The following JCAD variants were observed in gnomAD, a reference collection of about 807,000 sequenced individuals.
The protein encoded by JCAD is junctional cadherin 5 associated.
In JCAD, 40 loss-of-function variants were observed where a neutral mutation model predicts 98.0. That is an observed-to-expected ratio of 0.41 (90% CI 0.32 to 0.53). The LOEUF (loss-of-function observed/expected upper bound fraction) is 0.53, where lower values mean the gene tolerates loss of function less well. Among genes scored for constraint, JCAD ranks in the 20% least tolerant of loss-of-function variants. JCAD has a pLI of 0.31. For missense variants in JCAD, 1,705 were observed against 1,738.1 expected, an observed-to-expected ratio of 0.98 and a Z score of 0.34; for synonymous variants, 691 against 682.3, an observed-to-expected ratio of 1.01 and a Z score of -0.20.
chr10:30,103,347 C>T (rs11007900), intron 1 of JCAD, among the ~76,000 whole-genome samples: 8,209 of 152,106 alleles, frequency 0.054, 658 homozygotes, highest in African/African-American at 0.18. Flanking sequence ...AAAAACAGTA[C>T]GGTTGTTCCT....
intron 1 of JCAD, among the ~76,000 whole-genome samples, chr10:30,087,842 C>CTTTG (rs1052771271): frequency 1.3e-5 from 2 of 151,982 alleles, no homozygotes; most frequent in Non-Finnish European, 2.9e-5. Flanking sequence ...CTTCTGTAAC[C>CTTTG]TTTGTTTGTT....
At chr10:30,051,410 G>A (rs143545806) in intron 1 of JCAD, among the ~76,000 whole-genome samples, 75 of 152,180 alleles carry the variant, frequency 4.9e-4, no homozygotes, top group Non-Finnish European at 9.3e-4. Flanking sequence ...CCATGCAATT[G>A]CCTTGTGACC....
intron 1 of JCAD, among the ~76,000 whole-genome samples, chr10:30,098,345 G>A (rs758624493): frequency 2.6e-5 from 4 of 151,956 alleles, no homozygotes; most frequent in Non-Finnish European, 5.9e-5. Flanking sequence ...TGGCTCCTAG[G>A]CACCCTCAGA....
At chr10:30,113,887 T>G (rs542822123) in intron 1 of JCAD, among the ~76,000 whole-genome samples, 36 of 152,282 alleles carry the variant, frequency 2.4e-4, no homozygotes, top group Non-Finnish European at 4.3e-4. Context: ...TAAAAATAAT[T>G]TTTTTAATAG....
rs780795454 is a variant in JCAD, at chr10:30,026,260, G to T, written c.3888C>A (p.Ala1296=). 2.5e-6 allele frequency: 4 copies of T among 1,613,872 alleles called. No individual in the cohort carries two copies. Among genetic ancestry groups the T allele is most frequent in the Non-Finnish European group, 8.5e-7 (1 of 1,180,028 alleles). ...GAGACACAAGGCCTCCCGGGAGCCCGGCCTGGCCCCTTGTGGTGGCCTTCA... is the reference window on the plus strand; with the variant it reads ...GAGACACAAGGCCTCCCGGGAGCCCTGCCTGGCCCCTTGTGGTGGCCTTCA... The part of the protein sequence containing the change: ...EELKATTRGQ[A]GLPGGLVSPG... Residue 1296 remains alanine, a synonymous_variant, in exon 3 of 4, where the codon GCC becomes GCA. Transcript: ENST00000375377.
chr10:30,027,690 G>C lies in JCAD; in HGVS notation c.2458C>G (p.Leu820Val). The change falls in exon 3 of 4, where the codon CTC becomes GTC. Residue 820 changes from leucine to valine, a missense_variant. Leu to Val is a conservative substitution (Grantham distance 32). Coordinates refer to ENST00000375377, the MANE Select transcript of JCAD (RefSeq NM_020848.4). ...GGACGACGGCTGACCGGTTTCAGGA[G>C]AAACTGCCCAAAGAGTTGTTTACTG... ...CNSKQLFGQF[L>V]LKPVSRRPWD... 2 of 1,614,266 alleles carry C rather than the reference G, an allele frequency of 1.2e-6. No homozygotes were observed. The highest frequency in any genetic ancestry group is 1.7e-6 in the Non-Finnish European group (2 of 1,180,052).
In JCAD at chr10:30,112,659, G is replaced by C. The variant is rs562653059; in HGVS notation, n.128+2708C>G. Among the ~76,000 whole-genome samples, 5 of 152,142 alleles carry C rather than the reference G, an allele frequency of 3.3e-5. No individual in the cohort carries two copies. In the South Asian group the frequency reaches 1.0e-3, roughly 32 times the overall value. On this transcript the variant is annotated intron_variant and non_coding_transcript_variant, in intron 1 of 2. Coordinates refer to the JCAD transcript ENST00000465712. The stretch of plus-strand genomic sequence containing the variant: ...AGCCGACATGGGTGGATCACCTGAA[G>C]TCAGGAGATCGAGACCAGCCTGGCC...
chr10:30,017,794 A>T lies in JCAD; in HGVS notation c.*89T>A. 8.3e-7 allele frequency: 1 copy of T among 1,210,348 alleles called. No homozygotes were observed. The highest frequency in any genetic ancestry group is 1.2e-6 in the Non-Finnish European group (1 of 815,176). 75.0% of individuals were successfully genotyped at this position (1,210,348 alleles called of 1,614,324 possible). A position where few individuals can be genotyped will look rare whatever the true frequency, so the allele number is the denominator to read the frequency against. On this transcript the variant is annotated 3_prime_UTR_variant, in exon 4 of 4. Coordinates refer to ENST00000375377, the MANE Select transcript of JCAD (RefSeq NM_020848.4). ...AAAAACTCAGCAGCTTCCAGCTTCT[A>T]CATGGGGAAGTGGGGCTGATAGACT...
At chr10:30,111,416 T>TG (rs774771578) in intron 1 of JCAD, among the ~76,000 whole-genome samples, 10 of 152,178 alleles carry the variant, frequency 6.6e-5, no homozygotes, top group Non-Finnish European at 1.0e-4. Context: ...GGCCCAGGGC[T>TG]GGGGAATAAC....
intron 1 of JCAD, among the ~76,000 whole-genome samples, chr10:30,072,259 G>A (rs112155011): frequency 2.0e-5 from 3 of 152,122 alleles, no homozygotes; most frequent in African/African-American, 7.2e-5. Flanking sequence ...AAAATTAGAG[G>A]CCATGAAACT....
intron 1 of JCAD, among the ~76,000 whole-genome samples, chr10:30,054,793 C>T (rs1320742159): frequency 6.6e-6 from 1 of 151,628 alleles, no homozygotes; most frequent in African/African-American, 2.4e-5. Flanking sequence ...CCTCAGCCTC[C>T]GGAGTAGCTG....
intron 1 of JCAD, among the ~76,000 whole-genome samples, chr10:30,098,513 T>G (rs1182149149): frequency 6.6e-6 from 1 of 152,218 alleles, no homozygotes; most frequent in Non-Finnish European, 1.5e-5. Context: ...TGAACTGATT[T>G]ATTCATCTGT....
chr10:30,070,044 C>A (rs751359440), intron 1 of JCAD, among the ~76,000 whole-genome samples: 1 of 151,918 alleles, frequency 6.6e-6, no homozygotes, highest in Non-Finnish European at 1.5e-5. Flanking sequence ...TGTTTAATCC[C>A]ACAAAAATCA....
In JCAD at chr10:30,017,466, G is replaced by C. The variant is rs1438055415; in HGVS notation, c.*417C>G. 1 of 241,180 alleles carries C rather than the reference G, an allele frequency of 4.1e-6. No individual in the cohort carries two copies. The highest frequency in any genetic ancestry group is 8.0e-6 in the Non-Finnish European group (1 of 125,230). 14.9% of individuals were successfully genotyped at this position (241,180 alleles called of 1,614,324 possible). A position where few individuals can be genotyped will look rare whatever the true frequency, so the allele number is the denominator to read the frequency against. On this transcript the variant is annotated 3_prime_UTR_variant, in exon 4 of 4. Transcript: ENST00000375377. Reference sequence around the variant, plus strand: ...GTCCCAAACTCCTTCACAAGAGCATGGACTGCAGGCCATGGAGACACAGAG... The same window carrying C: ...GTCCCAAACTCCTTCACAAGAGCATCGACTGCAGGCCATGGAGACACAGAG...
At chr10:30,113,782 C>T (rs2132724024) in intron 1 of JCAD, among the ~76,000 whole-genome samples, 1 of 152,228 alleles carries the variant, frequency 6.6e-6, no homozygotes, top group South Asian at 2.1e-4. Flanking sequence ...CCAACCTGTT[C>T]CTCACCTGCA....
rs376463351 is a variant in JCAD at position 30,025,682 on chromosome 10, G to GTT, written c.4045+419_4045+420dup. 3.5e-3 allele frequency among the ~76,000 whole-genome samples: 533 copies of GTT among 152,064 alleles called. 1 individual carries two copies. Among genetic ancestry groups the GTT allele is most frequent in the African/African-American group, 0.012 (510 of 41,490 alleles). On this transcript the variant is annotated intron_variant, in intron 3 of 3. Transcript: ENST00000375377. ...TTCTACTGATCACCTGAGCTCAGGA[G>GTT]TTCGAGACCAGCCTGAGTAACATAG... is the stretch of plus-strand genomic sequence containing the variant.
chr10:30,107,239 A>G (rs761735978), intron 1 of JCAD, among the ~76,000 whole-genome samples: 3 of 152,212 alleles, frequency 2.0e-5, no homozygotes, highest in Non-Finnish European at 4.4e-5. Flanking sequence ...AGGATGAGAT[A>G]GGAGGTCACA....
At chr10:30,018,956 A>C (rs968843078) in intron 3 of JCAD, among the ~76,000 whole-genome samples, 131 of 152,358 alleles carry the variant, frequency 8.6e-4, no homozygotes, top group African/African-American at 2.9e-3. Context: ...AGATATCTGC[A>C]CTGCAGCATT....
rs1836916116 is a variant in JCAD, at chr10:30,028,917, G to A, written c.1231C>T (p.Pro411Ser). Residue 411 changes from proline to serine, a missense_variant, in exon 3 of 4, where the codon CCC becomes TCC. Transcript: ENST00000375377. ...PRLPQGLPAH[P>S]RPVTAYDGFV... Reference sequence around the variant, plus strand: ...CCGTCATAGGCAGTGACAGGTCGGGGATGTGCGGGGAGCCCCTGAGGCAAG... The same window carrying A: ...CCGTCATAGGCAGTGACAGGTCGGGAATGTGCGGGGAGCCCCTGAGGCAAG... 6.2e-7 allele frequency: 1 copy of A among 1,614,162 alleles called. No individual in the cohort carries two copies.
Sources: gnomAD v4.1 joint callset for allele counts (sites outside exome capture counted in the v4.1 genomes callset) on GRCh38, gnomAD v4.1.1 for gene constraint, MANE v1.5 for transcripts, NCBI Gene and HGNC (gene_info 2026-07-23, HGNC 2026-07-21) for gene names.